Variants in OAT observed in about 807,000 individuals in gnomAD.
OAT encodes ornithine aminotransferase, mitochondrial.
A neutral mutation model predicts 48.4 loss-of-function variants in OAT; 35 were observed. The observed-to-expected ratio is 0.72, with a 90% CI of 0.55 to 0.96. The LOEUF (loss-of-function observed/expected upper bound fraction) is 0.96, where lower values mean the gene tolerates loss of function less well. OAT is among the 40% of genes least tolerant of loss of function. The pLI is 0.00. For synonymous variants in OAT, 182 were observed against 198.4 expected, an observed-to-expected ratio of 0.92 and a Z score of 0.70; for missense variants, 438 against 537.9, an observed-to-expected ratio of 0.81 and a Z score of 1.84.
At chr10:124,401,958 T>G in intron 7 of OAT, 119 bp from the exon 8 acceptor site, 1 of 744,162 alleles carries the variant, frequency 1.3e-6, no homozygotes, top group Non-Finnish European at 2.4e-6. Context: ...CTCAGCTCAC[T>G]GCAATCTCTG....
chr10:124,402,750 G>A (rs1951447310), intron 7 of OAT, among the ~76,000 whole-genome samples, 177 bp downstream of exon 7: 2 of 152,194 alleles, frequency 1.3e-5, no homozygotes, highest in South Asian at 2.1e-4. Context: ...ATAAGTAAGT[G>A]GGTCACACAC....
chr10:124,401,911 T>C, intron 7 of OAT, 72 bp from the exon 8 acceptor site: 1 of 1,132,928 alleles, frequency 8.8e-7, no homozygotes, highest in South Asian at 1.3e-5. Flanking sequence ...TTCCCCAGAG[T>C]CTCGCTGTCA....
intron 8 of OAT, among the ~76,000 whole-genome samples, chr10:124,401,383 CATT>C (rs1047640294): frequency 6.6e-6 from 1 of 152,094 alleles, no homozygotes; most frequent in African/African-American, 2.4e-5. Context: ...AGTCTGAAAA[CATT>C]ATAAATCCAC....
At chr10:124,415,966 TA>T (rs1218094598) in intron 1 of OAT, among the ~76,000 whole-genome samples, 2 of 152,190 alleles carry the variant, frequency 1.3e-5, no homozygotes, top group Non-Finnish European at 2.9e-5. Flanking sequence ...TTTCAGTTGA[TA>T]AAAAATTAGA....
At chr10:124,403,624 A>T (rs573445324) in intron 6 of OAT, among the ~76,000 whole-genome samples, 174 bp downstream of exon 6, 2 of 152,338 alleles carry the variant, frequency 1.3e-5, no homozygotes, top group East Asian at 1.9e-4. Flanking sequence ...GTTTCTAAGC[A>T]CTAGGAAGTA....
intron 1 of OAT, among the ~76,000 whole-genome samples, chr10:124,416,230 C>T (rs975092159): frequency 6.6e-6 from 1 of 152,136 alleles, no homozygotes; most frequent in Non-Finnish European, 1.5e-5. Flanking sequence ...GTAAAATTCA[C>T]TTTGCATTCC....
Position 124,401,046 on chromosome 10 carries a change from A to T in OAT, c.1015-62T>A, listed in dbSNP as rs781583087. The T allele has an allele frequency of 7.1e-4, 860 of 1,209,758 alleles. 1 individual carries two copies. Among genetic ancestry groups the T allele is most frequent in the Non-Finnish European group, 9.7e-4 (810 of 834,394 alleles). 74.9% of individuals were successfully genotyped at this position (1,209,758 alleles called of 1,614,324 possible). A position where few individuals can be genotyped will look rare whatever the true frequency, so the allele number is the denominator to read the frequency against. ...GTCCTTTTTTTGTTTTTTGGAGGAC[A>T]ACGGGGACTGTAAACACAGGAAAAA... On this transcript the variant is annotated intron_variant, in intron 8 of 9. Transcript: ENST00000368845.
chr10:124,406,105 G>A (rs1196001403), intron 4 of OAT: 1 of 984,956 alleles, frequency 1.0e-6, no homozygotes, highest in African/African-American at 1.7e-5. Flanking sequence ...CCTTTATGAT[G>A]CTAAATGACA....
chr10:124,408,311 G>GTATATATATA (rs1564735776), intron 4 of OAT, among the ~76,000 whole-genome samples: 1 of 61,608 alleles, frequency 1.6e-5, no homozygotes, highest in Non-Finnish European at 2.8e-5. Flanking sequence ...GTGTGTGTGT[G>GTATATATATA]TGTGTGTATA....
intron 2 of OAT, among the ~76,000 whole-genome samples, chr10:124,410,121 A>G (rs1014537240): frequency 6.6e-6 from 1 of 152,226 alleles, no homozygotes; most frequent in African/African-American, 2.4e-5. Context: ...GCTAAGTAAT[A>G]AACTTTGGTT....
chr10:124,399,348 T>TC (rs1322593537), intron 9 of OAT, among the ~76,000 whole-genome samples: 7 of 141,992 alleles, frequency 4.9e-5, no homozygotes, highest in African/African-American at 7.8e-5. Context: ...CTTTTTTTTT[T>TC]TTTTTTTTTT....
rs1047023928 is a variant in OAT at position 124,409,439 on chromosome 10, C to G, written c.200-474G>C. Among the ~76,000 whole-genome samples, 4 of 151,878 alleles carry G rather than the reference C, an allele frequency of 2.6e-5. No homozygotes were observed. The South Asian group carries it at 8.3e-4, about 32-fold the overall frequency. ...GCATGGTAGTGCGCGCGTATGGTCC[C>G]GTTACAGAGGCTGAGGTGGGAGGAT... On this transcript the variant is annotated intron_variant, in intron 2 of 9. Coordinates refer to ENST00000368845, the MANE Select transcript of OAT (RefSeq NM_000274.4).
rs201864147 is a variant in OAT at position 124,398,038 on chromosome 10, A to G, written c.1224T>C (p.His408=). 1.1e-4 allele frequency: 183 copies of G among 1,614,122 alleles called. No individual in the cohort carries two copies. In the African/African-American group the frequency reaches 2.3e-3, roughly 20 times the overall value. The stretch of plus-strand genomic sequence containing the variant: ...GAGGCGCAAACCTGATAATGTCGCC[A>G]TGGGTTGGCTTGGCCAGAAGTCCAT... ...RDNGLLAKPT[H]GDIIRFAPPL... The change falls in exon 10 of 10, where the codon CAT becomes CAC. Residue 408 remains histidine (H), a synonymous_variant. Coordinates refer to ENST00000368845, the MANE Select transcript of OAT (RefSeq NM_000274.4).
chr10:124,404,427 C>A (rs1951513873), intron 5 of OAT, among the ~76,000 whole-genome samples: 1 of 151,972 alleles, frequency 6.6e-6, no homozygotes. Context: ...AGCACCACGC[C>A]CAGCTAATTT....
At chr10:124,404,674 C>T (rs1951521874) in intron 5 of OAT, among the ~76,000 whole-genome samples, 1 of 152,192 alleles carries the variant, frequency 6.6e-6, no homozygotes, top group South Asian at 2.1e-4. Context: ...GCTCCTCCAG[C>T]CCTGGCCTCC....
chr10:124,406,183 G>A (rs1007593312), intron 4 of OAT: 17 of 906,776 alleles, frequency 1.9e-5, no homozygotes, highest in Non-Finnish European at 2.2e-5. Context: ...TACTATGTCA[G>A]GCATTGTTTT....
Position 124,403,872 on chromosome 10 carries a change from G to T in OAT, c.697C>A (p.Gln233Lys). The T allele has an allele frequency of 6.2e-7, 1 of 1,614,104 alleles. No individual in the cohort carries two copies. Among genetic ancestry groups the T allele is most frequent in the South Asian group, 1.1e-5 (1 of 91,080 alleles). Residue 233 changes from glutamine to lysine, a missense_variant, in exon 6 of 10, where the codon CAG becomes AAG. By Grantham distance (53) the Gln-to-Lys change is moderately conservative. Coordinates refer to ENST00000368845, the MANE Select transcript of OAT (RefSeq NM_000274.4). ...NVAAFMVEPI[Q>K]GEAGVVVPDP... ...GGAACAACAACGCCTGCTTCACCCT[G>T]AATTGGTTCTACCATGAACGCAGCC... is the stretch of plus-strand genomic sequence containing the variant.
intron 9 of OAT, 83 bp from the exon 10 acceptor site, chr10:124,398,185 G>A: frequency 6.8e-7 from 1 of 1,479,008 alleles, no homozygotes; most frequent in Non-Finnish European, 9.4e-7. Context: ...AGTGCAGCCT[G>A]GCAAAACAAA....
At chr10:124,400,380 G>A (rs370097152) in intron 9 of OAT, among the ~76,000 whole-genome samples, 3 of 150,890 alleles carry the variant, frequency 2.0e-5, no homozygotes, top group South Asian at 2.1e-4. Context: ...CCGGGGCATC[G>A]GAAGTTGCAG....
Sources: gnomAD v4.1 joint callset for allele counts (sites outside exome capture counted in the v4.1 genomes callset) on GRCh38, gnomAD v4.1.1 for gene constraint, MANE v1.5 for transcripts, NCBI Gene and HGNC (gene_info 2026-07-23, HGNC 2026-07-21) for gene names.